Variants in WWOX observed in about 807,000 individuals in gnomAD.
WWOX encodes the protein WW domain-containing oxidoreductase.
A neutral mutation model predicts 46.2 loss-of-function variants in WWOX; 69 were observed. That is an observed-to-expected ratio of 1.49 (90% CI 1.23 to 1.82). WWOX has a LOEUF of 1.82. Among genes scored for constraint, WWOX ranks in the 40% most tolerant of loss-of-function variants. The pLI, the probability that WWOX is intolerant of heterozygous loss-of-function variation, is 0.00. For synonymous variants in WWOX, 359 were observed against 202.6 expected, an observed-to-expected ratio of 1.77 and a Z score of -6.56; for missense variants, 919 against 542.6, an observed-to-expected ratio of 1.69 and a Z score of -6.89.
chr16:78,660,927 C>A (rs1044444133), intron 8 of WWOX, among the ~76,000 whole-genome samples: 77 of 152,206 alleles, frequency 5.1e-4, no homozygotes, highest in African/African-American at 1.7e-3. Context: ...CCTCCTAATA[C>A]TGCATGACGG....
At chr16:78,548,375 T>C (rs1390463034) in intron 8 of WWOX, among the ~76,000 whole-genome samples, 2 of 152,004 alleles carry the variant, frequency 1.3e-5, no homozygotes, top group African/African-American at 2.4e-5. Flanking sequence ...AGAAAATAAA[T>C]GTGACTCACG....
chr16:79,100,038 T>G (rs73575166), intron 8 of WWOX, among the ~76,000 whole-genome samples: 16,621 of 152,210 alleles, frequency 0.11, 967 homozygotes, highest in African/African-American at 0.14. Flanking sequence ...TCTTAAAATC[T>G]TCCAAATGAT....
chr16:78,297,944 G>A (rs2079968405), intron 5 of WWOX, among the ~76,000 whole-genome samples: 1 of 152,172 alleles, frequency 6.6e-6, no homozygotes, highest in Non-Finnish European at 1.5e-5. Flanking sequence ...GCTAGGGGGA[G>A]GGACCTCGTG....
chr16:78,318,626 T>C (rs1021199383), intron 5 of WWOX, among the ~76,000 whole-genome samples: 1 of 152,182 alleles, frequency 6.6e-6, no homozygotes, highest in African/African-American at 2.4e-5. Flanking sequence ...ATGGGAATAG[T>C]ACCCACCTTA....
At position 78,355,992 on chromosome 16, in the gene WWOX, C is replaced by T. The variant is rs560191854; in HGVS notation, c.517-30868C>T. 5.5e-5 allele frequency among the ~76,000 whole-genome samples: 8 copies of T among 145,846 alleles called. No individual in the cohort carries two copies. In the East Asian group the frequency reaches 1.6e-3, roughly 30 times the overall value. ...GAAATGAGTTGATTTGCAGATAATT[C>T]ACAACTTCTTAAGCTAAATGGTATT... On this transcript the variant is annotated intron_variant, in intron 5 of 8. Coordinates refer to ENST00000566780, the MANE Select transcript of WWOX (RefSeq NM_016373.4).
At chr16:79,151,304 G>C (rs936387717) in intron 8 of WWOX, among the ~76,000 whole-genome samples, 1 of 152,170 alleles carries the variant, frequency 6.6e-6, no homozygotes, top group Non-Finnish European at 1.5e-5. Context: ...GTTATTCTTT[G>C]TGGTGTGCTC....
intron 8 of WWOX, among the ~76,000 whole-genome samples, chr16:78,626,869 CTTTA>C (rs372161124): frequency 1.5e-3 from 235 of 152,226 alleles, no homozygotes; most frequent in African/African-American, 5.4e-3. Context: ...TCCTATACTA[CTTTA>C]TTTATTTTGT....
intron 8 of WWOX, among the ~76,000 whole-genome samples, chr16:79,130,606 C>T (rs950342242): frequency 2.6e-5 from 4 of 152,108 alleles, no homozygotes; most frequent in African/African-American, 9.7e-5. Context: ...TGAGGTTGCC[C>T]CCATGGAGTT....
chr16:78,622,074 C>G (rs917869892), intron 8 of WWOX, among the ~76,000 whole-genome samples: 1 of 152,204 alleles, frequency 6.6e-6, no homozygotes, highest in Non-Finnish European at 1.5e-5. Flanking sequence ...GCATTCTAAG[C>G]ACACCAGTAT....
At chr16:78,469,926 G>C (rs1393033556) in intron 8 of WWOX, among the ~76,000 whole-genome samples, 2 of 152,226 alleles carry the variant, frequency 1.3e-5, no homozygotes, top group African/African-American at 4.8e-5. Context: ...GAAATTCTCA[G>C]GGATTCTAAG....
At chr16:78,392,079 C>T (rs956480525) in intron 6 of WWOX, among the ~76,000 whole-genome samples, 1 of 151,716 alleles carries the variant, frequency 6.6e-6, no homozygotes, top group Non-Finnish European at 1.5e-5. Flanking sequence ...GGGTCCATGA[C>T]CTCTAGGCCA....
intron 8 of WWOX, among the ~76,000 whole-genome samples, chr16:78,912,061 A>G (rs1043859563): frequency 6.6e-6 from 1 of 151,966 alleles, no homozygotes; most frequent in Non-Finnish European, 1.5e-5. Flanking sequence ...TCTGAGTCCA[A>G]TTATGGCCTT....
chr16:78,618,247 G>T (rs181632389), intron 8 of WWOX, among the ~76,000 whole-genome samples: 1 of 152,184 alleles, frequency 6.6e-6, no homozygotes, highest in Non-Finnish European at 1.5e-5. Flanking sequence ...AAGCACTGAC[G>T]CAGTTCTCAC....
intron 8 of WWOX, among the ~76,000 whole-genome samples, chr16:78,859,048 ATG>A (rs1491135694): frequency 0.12 from 3,007 of 24,446 alleles, 162 homozygotes; most frequent in Non-Finnish European, 0.21. Context: ...ATATATATAT[ATG>A]TATATATATA....
At chr16:78,812,840 T>C (rs915406376) in intron 8 of WWOX, among the ~76,000 whole-genome samples, 1 of 152,222 alleles carries the variant, frequency 6.6e-6, no homozygotes, top group Non-Finnish European at 1.5e-5. Context: ...TTTCAAACTT[T>C]TTAAATATTT....
chr16:79,096,164 G>C (rs546866056), intron 8 of WWOX, among the ~76,000 whole-genome samples: 162 of 151,830 alleles, frequency 1.1e-3, no homozygotes, highest in Non-Finnish European at 1.8e-3. Flanking sequence ...CACAGAGCCT[G>C]ACCACAGTCC....
At position 79,173,859 on chromosome 16, in the gene WWOX, A is replaced by G. The variant is rs748482421; in HGVS notation, c.1057-37749A>G. On this transcript the variant is annotated intron_variant, in intron 8 of 8. Coordinates refer to ENST00000566780, the MANE Select transcript of WWOX (RefSeq NM_016373.4). ...TGACTAGAACTATATTAAAAGAAAG[A>G]TGGATGGGGGAGAGGACGGTGGGTG... 3.3e-5 allele frequency among the ~76,000 whole-genome samples: 5 copies of G among 152,174 alleles called. 1 individual carries two copies. Among genetic ancestry groups the G allele is most frequent in the Non-Finnish European group, 7.4e-5 (5 of 68,018 alleles).
chr16:78,448,635 C>T (rs1044467480), intron 8 of WWOX, among the ~76,000 whole-genome samples: 1 of 152,176 alleles, frequency 6.6e-6, no homozygotes, highest in Non-Finnish European at 1.5e-5. Context: ...CACAAATTCA[C>T]AAATCAGCTT....
At chr16:78,817,960 G>A (rs914998605) in intron 8 of WWOX, among the ~76,000 whole-genome samples, 2 of 152,212 alleles carry the variant, frequency 1.3e-5, no homozygotes, top group Non-Finnish European at 2.9e-5. Flanking sequence ...ACGTGCCTTG[G>A]AATTAACACC....
Sources: allele counts gnomAD v4.1 joint callset (sites outside exome capture counted in the v4.1 genomes callset), GRCh38; gene constraint gnomAD v4.1.1; transcripts MANE v1.5; gene names NCBI Gene and HGNC (gene_info 2026-07-23, HGNC 2026-07-21).